The following CPSF4L variants were observed in gnomAD, a reference collection of about 807,000 sequenced individuals.
CPSF4L encodes the protein cleavage and polyadenylation specific factor 4 like.
Under a neutral mutation model 24.0 loss-of-function variants are expected in CPSF4L, and 18 were observed. The ratio of observed to expected loss-of-function variants is 0.75; its 90% CI spans 0.52 to 1.11. CPSF4L has a LOEUF of 1.11. Ranked by LOEUF, CPSF4L falls within the 50% of genes least tolerant of loss-of-function variation. The pLI, the probability that CPSF4L is intolerant of heterozygous loss-of-function variation, is 0.00. For synonymous variants in CPSF4L, 72 were observed against 77.2 expected (o/e 0.93, Z 0.35); for missense variants, 211 against 221.8 (o/e 0.95, Z 0.31).
At chr17:73,251,014 A>T in intron 5 of CPSF4L, 6 of 1,549,500 alleles carry the variant, frequency 3.9e-6, no homozygotes, top group Non-Finnish European at 5.2e-6. Flanking sequence ...ATCCCCAGGC[A>T]GGAGAGCAGG....
chr17:73,247,106 G>T, downstream of CPSF4L: 4 of 737,194 alleles, frequency 5.4e-6, no homozygotes, highest in South Asian at 7.0e-5. Flanking sequence ...TAGTCAAAAT[G>T]TACAAAAACA....
chr17:73,246,168 T>C (rs1265326716), downstream of CPSF4L, among the ~76,000 whole-genome samples: 3 of 152,230 alleles, frequency 2.0e-5, no homozygotes, highest in Non-Finnish European at 4.4e-5. Context: ...CACCCGTCTG[T>C]CTCAGCTTTG....
At chr17:73,263,142 C>T (rs749861358), upstream of CPSF4L, among the ~76,000 whole-genome samples, 20 of 152,126 alleles carry the variant, frequency 1.3e-4, no homozygotes, top group Admixed American at 2.6e-4. Flanking sequence ...TAGTTGTATG[C>T]GTTGATTAGT....
At chr17:73,253,297 T>G (rs1454057179) in intron 4 of CPSF4L, among the ~76,000 whole-genome samples, 1 of 151,904 alleles carries the variant, frequency 6.6e-6, no homozygotes, top group South Asian at 2.1e-4. Flanking sequence ...GAGGTGGAGG[T>G]TGCAGTGAGC....
At chr17:73,255,814 T>C (rs1341781164) in intron 3 of CPSF4L, among the ~76,000 whole-genome samples, 1 of 152,158 alleles carries the variant, frequency 6.6e-6, no homozygotes, top group Non-Finnish European at 1.5e-5. Context: ...TCTACACTGG[T>C]TGCCGTTCTG....
chr17:73,253,799 G>A (rs1163419633), intron 4 of CPSF4L, 132 bp downstream of exon 4: 2 of 593,560 alleles, frequency 3.4e-6, no homozygotes, highest in East Asian at 2.8e-5. Flanking sequence ...AGCTGGAGGA[G>A]AACTACAGAA....
chr17:73,246,825 A>G (rs4300717), downstream of CPSF4L, among the ~76,000 whole-genome samples: 78,345 of 151,978 alleles, frequency 0.52, 20,278 homozygotes, highest in East Asian at 0.62. Context: ...AATATTACTA[A>G]GAACTTCATT....
chr17:73,242,285 G>T, the CPSF4L span: 1 of 1,606,374 alleles, frequency 6.2e-7, no homozygotes. Context: ...AAGGAGTTTG[G>T]AACCCCCTGC....
chr17:73,261,836 G>A lies in CPSF4L; in HGVS notation c.-18C>T, dbSNP rs781163947. On this transcript the variant is annotated 5_prime_UTR_variant, in exon 1 of 6. Transcript: ENST00000344935. ...TCTTGCATCTTCCGTCTCCTGCTGG[G>A]GCTGCGGAAGCTGCTGGAACCCAGG... The A allele has an allele frequency of 1.0e-5, 16 of 1,544,352 alleles. No individual in the cohort carries two copies. The East Asian group carries it at 2.4e-4, about 24-fold the overall frequency.
intron 5 of CPSF4L, among the ~76,000 whole-genome samples, chr17:73,252,076 G>A (rs1330556374): frequency 6.6e-6 from 1 of 152,256 alleles, no homozygotes; most frequent in Non-Finnish European, 1.5e-5. Flanking sequence ...CAGTGCTGCT[G>A]GGTGAGCTTC....
At chr17:73,248,209 C>T (rs768224948), downstream of CPSF4L, 61 of 412,348 alleles carry the variant, frequency 1.5e-4, no homozygotes, top group Non-Finnish European at 2.4e-4. Context: ...TGTATGTGAT[C>T]ACCAGATTAA....
At chr17:73,248,202 A>C, downstream of CPSF4L, 2 of 383,158 alleles carry the variant, frequency 5.2e-6, no homozygotes, top group Non-Finnish European at 9.6e-6. Flanking sequence ...CCAATCATGT[A>C]TGTGATCACC....
chr17:73,248,152 T>A (rs1483130094), downstream of CPSF4L: 1 of 262,650 alleles, frequency 3.8e-6, no homozygotes, highest in African/African-American at 2.2e-5. Flanking sequence ...TTTTCGCTCA[T>A]GTATGCAAAA....
At chr17:73,245,747 T>C, downstream of CPSF4L, 1 of 982,928 alleles carries the variant, frequency 1.0e-6, no homozygotes. Context: ...GAAAAAAAGC[T>C]TACAAATATT....
chr17:73,258,775 C>T (rs2062033493), intron 2 of CPSF4L, among the ~76,000 whole-genome samples: 1 of 152,196 alleles, frequency 6.6e-6, no homozygotes, highest in African/African-American at 2.4e-5. Context: ...GGGAGCGGGG[C>T]CAGGCTTTCC....
rs1292521036 is a variant in CPSF4L at position 73,254,145 on chromosome 17, TC to T, written c.308-120del. On this transcript the variant is annotated intron_variant, in intron 3 of 5. Transcript: ENST00000344935. ...AAGACACTGGCCTTTATTCTGGGAG[TC>T]ACCAGCTTTTTGAAGATGGAAAGTA... 2.8e-6 allele frequency: 2 copies of T among 724,928 alleles called. 1 individual carries two copies. The highest frequency in any genetic ancestry group is 3.5e-5 in the African/African-American group (2 of 56,594). 44.9% of individuals were successfully genotyped at this position (724,928 alleles called of 1,614,324 possible). A position where few individuals can be genotyped will look rare whatever the true frequency, so the allele number is the denominator to read the frequency against.
rs897321260 is a variant in CPSF4L at position 73,250,898 on chromosome 17, C to T, written c.497+1732G>A. 3.4e-6 allele frequency: 4 copies of T among 1,180,638 alleles called. No homozygotes were observed. The African/African-American group carries it at 4.6e-5, about 14-fold the overall frequency. 73.1% of individuals were successfully genotyped at this position (1,180,638 alleles called of 1,614,324 possible). ...CTGCTGCAGAAAAGGAGTCATTCTC[C>T]AGCTCCCTGATCATTCCTTGCCCTC... On this transcript the variant is annotated intron_variant, in intron 5 of 5. Transcript: ENST00000344935.
upstream of CPSF4L, among the ~76,000 whole-genome samples, chr17:73,263,037 AC>A (rs1411920251): frequency 1.3e-5 from 2 of 152,314 alleles, no homozygotes; most frequent in Non-Finnish European, 2.9e-5. Flanking sequence ...CAGGCCTCTG[AC>A]TGCATCCTGG....
At chr17:73,260,708 A>G (rs1307728948) in intron 2 of CPSF4L, among the ~76,000 whole-genome samples, 1 of 152,232 alleles carries the variant, frequency 6.6e-6, no homozygotes, top group African/African-American at 2.4e-5. Context: ...CAGAGGTTGC[A>G]GTGAGTTGAG....
Sources: gnomAD v4.1 joint callset for allele counts (sites outside exome capture counted in the v4.1 genomes callset) on GRCh38, gnomAD v4.1.1 for gene constraint, MANE v1.5 for transcripts, NCBI Gene and HGNC (gene_info 2026-07-23, HGNC 2026-07-21) for gene names.